Variants in DPYD observed in about 807,000 individuals in gnomAD.
The protein encoded by DPYD is dihydropyrimidine dehydrogenase.
In DPYD, 109 loss-of-function variants were observed where a neutral mutation model predicts 116.2. The observed-to-expected ratio is 0.94, with a 90% CI of 0.80 to 1.10. The LOEUF (loss-of-function observed/expected upper bound fraction) is 1.10. Among genes scored for constraint, DPYD ranks in the 50% least tolerant of loss-of-function variants. The pLI, the probability that DPYD is intolerant of heterozygous loss-of-function variation, is 0.00. For synonymous variants in DPYD, 440 were observed against 432.0 expected, an observed-to-expected ratio of 1.02 and a Z score of -0.23; for missense variants, 1,302 against 1,254.5, an observed-to-expected ratio of 1.04 and a Z score of -0.57.
chr1:97,486,334 A>G (rs911866586), intron 13 of DPYD, among the ~76,000 whole-genome samples: 2 of 152,106 alleles, frequency 1.3e-5, no homozygotes, highest in Non-Finnish European at 2.9e-5. Context: ...TCAATTTTTC[A>G]TTTGTACTAT....
chr1:97,557,200 G>A (rs1651796907), intron 11 of DPYD, among the ~76,000 whole-genome samples: 1 of 151,770 alleles, frequency 6.6e-6, no homozygotes, highest in Non-Finnish European at 1.5e-5. Flanking sequence ...TTTTGATGGG[G>A]CTGTTTGTTT....
chr1:97,588,733 T>C (rs1356467792), intron 10 of DPYD, among the ~76,000 whole-genome samples: 1 of 152,154 alleles, frequency 6.6e-6, no homozygotes. Context: ...GAAGCGCTAG[T>C]TTGTCAGTAG....
intron 3 of DPYD, among the ~76,000 whole-genome samples, chr1:97,787,074 C>T (rs899267455): frequency 3.9e-5 from 6 of 152,044 alleles, no homozygotes; most frequent in African/African-American, 1.4e-4. Flanking sequence ...ATTTTCCATA[C>T]AATAGTAATG....
chr1:97,147,116 G>A (rs578205661), intron 20 of DPYD, among the ~76,000 whole-genome samples: 2 of 152,270 alleles, frequency 1.3e-5, no homozygotes, highest in South Asian at 4.1e-4. Context: ...TTGGGAGGCC[G>A]AGGCCAGTGG....
intron 14 of DPYD, among the ~76,000 whole-genome samples, chr1:97,386,155 C>A (rs1359316452): frequency 6.6e-6 from 1 of 152,056 alleles, no homozygotes; most frequent in Non-Finnish European, 1.5e-5. Context: ...TCTCCTTTCC[C>A]TATCCATTGA....
intron 16 of DPYD, among the ~76,000 whole-genome samples, chr1:97,326,482 G>GGAAGGA (rs1356742134): frequency 6.6e-6 from 1 of 151,790 alleles, no homozygotes; most frequent in Non-Finnish European, 1.5e-5. Flanking sequence ...ATGAGAAGAT[G>GGAAGGA]GAAGGAAAAG....
chr1:97,255,319 T>A (rs652246), intron 18 of DPYD, among the ~76,000 whole-genome samples: 39,357 of 151,764 alleles, frequency 0.26, 5,383 homozygotes, highest in Admixed American at 0.31. Context: ...ATCTTCACAG[T>A]GTTTAGGAGG....
At chr1:97,660,299 T>C (rs747976560) in intron 8 of DPYD, among the ~76,000 whole-genome samples, 5 of 152,118 alleles carry the variant, frequency 3.3e-5, no homozygotes, top group African/African-American at 4.8e-5. Flanking sequence ...TCCTAGAATA[T>C]CCATTTGATA....
chr1:97,824,027 T>C (rs1476250512), intron 3 of DPYD, among the ~76,000 whole-genome samples: 2 of 152,120 alleles, frequency 1.3e-5, no homozygotes, highest in Non-Finnish European at 2.9e-5. Context: ...TAGTATCTAT[T>C]ATCAATTACA....
chr1:97,352,311 C>T (rs555400603), intron 16 of DPYD, among the ~76,000 whole-genome samples: 2 of 152,222 alleles, frequency 1.3e-5, no homozygotes, highest in South Asian at 4.1e-4. Flanking sequence ...CTGATGGTTC[C>T]CAGTGTCTCT....
chr1:97,696,675 A>C (rs1388953340), intron 6 of DPYD, among the ~76,000 whole-genome samples: 1 of 152,170 alleles, frequency 6.6e-6, no homozygotes, highest in African/African-American at 2.4e-5. Context: ...ACAACATGAA[A>C]AAAATCTTTC....
chr1:97,227,090 G>A (rs1661221384), intron 19 of DPYD, among the ~76,000 whole-genome samples: 1 of 152,038 alleles, frequency 6.6e-6, no homozygotes, highest in South Asian at 2.1e-4. Context: ...TCTTTTGGGA[G>A]GCTGAGTGGG....
chr1:97,810,544 A>G lies in DPYD; in HGVS notation c.233+17570T>C, dbSNP rs1668304718. Among the ~76,000 whole-genome samples the G allele has an allele frequency of 1.3e-5, 2 of 152,052 alleles. 1 individual carries two copies. The highest frequency in any genetic ancestry group is 4.1e-4 in the South Asian group (2 of 4,828). ...TTCCCTATCCATCCAGTTACACCAG[A>G]GACCTGACTGTTAATTCTCTTCTCC... On this transcript the variant is annotated intron_variant, in intron 3 of 22. Transcript: ENST00000370192.
chr1:97,263,214 C>T (rs1040240954), intron 18 of DPYD, among the ~76,000 whole-genome samples: 6 of 152,020 alleles, frequency 3.9e-5, no homozygotes, highest in East Asian at 1.9e-4. Flanking sequence ...AAACCAAGAA[C>T]GTGTTTTCCA....
At chr1:97,091,008 G>T (rs1187545824) in intron 21 of DPYD, among the ~76,000 whole-genome samples, 1 of 152,162 alleles carries the variant, frequency 6.6e-6, no homozygotes, top group East Asian at 1.9e-4. Context: ...AAGGAAAAAA[G>T]AACAAAAGAT....
chr1:97,404,038 C>T (rs564411211), intron 14 of DPYD, among the ~76,000 whole-genome samples: 5 of 151,738 alleles, frequency 3.3e-5, no homozygotes, highest in South Asian at 4.2e-4. Flanking sequence ...TTTGACATTT[C>T]GTTTTTGGCC....
chr1:97,488,206 T>A (rs1000477532), intron 13 of DPYD, among the ~76,000 whole-genome samples: 1 of 152,178 alleles, frequency 6.6e-6, no homozygotes, highest in African/African-American at 2.4e-5. Flanking sequence ...TAAATCTATT[T>A]ATACAATATT....
At chr1:97,516,358 G>GT (rs1454941217) in intron 12 of DPYD, among the ~76,000 whole-genome samples, 2 of 151,926 alleles carry the variant, frequency 1.3e-5, no homozygotes, top group Admixed American at 1.3e-4. Context: ...TTTCACTACT[G>GT]TTTAGGCGAT....
At chr1:97,724,011 C>T (rs925017835) in intron 4 of DPYD, among the ~76,000 whole-genome samples, 3 of 151,396 alleles carry the variant, frequency 2.0e-5, no homozygotes, top group Non-Finnish European at 3.0e-5. Context: ...TCAAAATATA[C>T]CATATCAGTA....
Sources: allele counts gnomAD v4.1 joint callset (sites outside exome capture counted in the v4.1 genomes callset), GRCh38; gene constraint gnomAD v4.1.1; transcripts MANE v1.5; gene names NCBI Gene and HGNC (gene_info 2026-07-23, HGNC 2026-07-21).